Variants in CRB1 observed in about 807,000 individuals in gnomAD.
The protein encoded by CRB1 is protein crumbs homolog 1.
CRB1 carries 83 observed loss-of-function variants against 120.0 expected under a neutral mutation model. The observed-to-expected ratio is 0.69, with a 90% CI of 0.58 to 0.83. The LOEUF is 0.83. Among genes scored for constraint, CRB1 ranks in the 40% least tolerant of loss-of-function variants. CRB1 has a pLI of 0.00. For synonymous variants in CRB1, 625 were observed against 612.5 expected (o/e 1.02, Z -0.30); for missense variants, 1,699 against 1,687.6 (o/e 1.01, Z -0.12).
At chr1:197,226,605 A>G in the CRB1 span, among the ~76,000 whole-genome samples, 3 of 152,056 alleles carry the variant, frequency 2.0e-5, no homozygotes, top group African/African-American at 7.2e-5. Flanking sequence ...AGATGAGGTC[A>G]TGAGGGTAGA....
At chr1:197,426,687 A>G (rs1387035227) in intron 6 of CRB1, among the ~76,000 whole-genome samples, 1 of 152,130 alleles carries the variant, frequency 6.6e-6, no homozygotes, top group African/African-American at 2.4e-5. Context: ...CTTTGCCCCA[A>G]GTTCTCTGTT....
chr1:197,305,062 A>T (rs534364526), intron 1 of CRB1, among the ~76,000 whole-genome samples: 2 of 152,150 alleles, frequency 1.3e-5, no homozygotes, highest in Non-Finnish European at 2.9e-5. Context: ...CTTATTCTCA[A>T]TACTAAATTT....
At position 197,328,460 on chromosome 1, in the gene CRB1, A is replaced by T. The variant is rs1380193935; in HGVS notation, c.109A>T (p.Asn37Tyr). 39 of 1,614,082 alleles carry T rather than the reference A, an allele frequency of 2.4e-5. No homozygotes were observed. The highest frequency in any genetic ancestry group is 3.2e-5 in the Non-Finnish European group (38 of 1,180,034). The change falls in exon 2 of 12, where the codon AAT (asparagine) becomes TAT (tyrosine). Residue 37 changes from asparagine (N) to tyrosine (Y), a missense_variant. Physicochemically the swap from Asn to Tyr is moderately radical, Grantham distance 143 (BLOSUM62 -2). Coordinates refer to ENST00000367400, the MANE Select transcript of CRB1 (RefSeq NM_201253.3). Reference sequence around the variant, plus strand: ...TAAAAACAACACCAGGTGCCTCTCAAATTCTTGCCAAAACAATTCTACATG... The same window carrying T: ...TAAAAACAACACCAGGTGCCTCTCATATTCTTGCCAAAACAATTCTACATG... ...CNKNNTRCLS[N>Y]SCQNNSTCKD... is the part of the protein sequence containing the mutation.
rs201446408 is a variant in CRB1 at position 197,458,359 on chromosome 1, C to CT, written c.4005+16076dup. On this transcript the variant is annotated intron_variant, in intron 11 of 11. Transcript: ENST00000367400. ...TGCCATTAAGAACACTAAAGCTTAT[C>CT]TTTTTTTTTACAAATCTAGTTGTCA... 3.9e-3 allele frequency among the ~76,000 whole-genome samples: 586 copies of CT among 151,466 alleles called. 8 individuals carry two copies. The highest frequency in any genetic ancestry group is 0.026 in the Admixed American group (387 of 15,172).
intron 1 of CRB1, among the ~76,000 whole-genome samples, chr1:197,308,086 C>T (rs1051266846): frequency 6.6e-6 from 1 of 151,646 alleles, no homozygotes; most frequent in African/African-American, 2.4e-5. Context: ...TATATATATA[C>T]CATGGAATAC....
the CRB1 span, among the ~76,000 whole-genome samples, chr1:197,203,331 T>C: frequency 6.6e-6 from 1 of 152,028 alleles, no homozygotes; most frequent in African/African-American, 2.4e-5. Context: ...ACTTTTTTTT[T>C]CTTTTTTTGA....
rs146146378 is a variant in CRB1, at chr1:197,333,140, T to C, written c.652+4137T>C. Among the ~76,000 whole-genome samples, 40 of 152,224 alleles carry C rather than the reference T, an allele frequency of 2.6e-4. 1 individual carries two copies. Among genetic ancestry groups the C allele is most frequent in the Middle Eastern group, 6.8e-3 (2 of 294 alleles). On this transcript the variant is annotated intron_variant, in intron 2 of 11. Transcript: ENST00000367400. The stretch of plus-strand genomic sequence containing the variant: ...TGAGCAGCAAAGTAAGAAAAGGTAA[T>C]AAATTTTAAAAGGCAGAGAGGTAGA...
chr1:197,330,558 C>T (rs970285544), intron 2 of CRB1, among the ~76,000 whole-genome samples: 3 of 152,112 alleles, frequency 2.0e-5, no homozygotes, highest in Non-Finnish European at 4.4e-5. Flanking sequence ...TCATTTCTTT[C>T]CCCCTGGAAT....
In CRB1 at chr1:197,421,324, G is replaced by T. The variant is rs1283508348; in HGVS notation, c.1496G>T (p.Gly499Val). 4.3e-6 allele frequency: 7 copies of T among 1,614,184 alleles called. No homozygotes were observed. The highest frequency in any genetic ancestry group is 5.1e-6 in the Non-Finnish European group (6 of 1,180,038). Reference sequence around the variant, plus strand: ...GATGGCTTCCTGTGGGTCAAAAGTGGCTCAGTGACAACCAAGGGCTCAGTT... The same window carrying T: ...GATGGCTTCCTGTGGGTCAAAAGTGTCTCAGTGACAACCAAGGGCTCAGTT... ...EGDGFLWVKS[G>V]SVTTKGSVCN... Residue 499 changes from glycine to valine, a missense_variant, in exon 6 of 12, where the codon GGC becomes GTC. Physicochemically the swap from Gly to Val is moderately radical, Grantham distance 109. Transcript: ENST00000367400.
chr1:197,287,105 ATGAG>A (rs1655873380), intron 1 of CRB1, among the ~76,000 whole-genome samples: 1 of 151,886 alleles, frequency 6.6e-6, no homozygotes, highest in African/African-American at 2.4e-5. Flanking sequence ...GAGAGGTAAA[ATGAG>A]TACGTGGAAT....
At chr1:197,244,444 G>C in the CRB1 span, among the ~76,000 whole-genome samples, 1 of 151,622 alleles carries the variant, frequency 6.6e-6, no homozygotes, top group South Asian at 2.1e-4. Flanking sequence ...TATAAGATTT[G>C]GTGTTGACAA....
chr1:197,377,645 T>C (rs1661719257), intron 5 of CRB1, among the ~76,000 whole-genome samples: 1 of 152,226 alleles, frequency 6.6e-6, no homozygotes, highest in Non-Finnish European at 1.5e-5. Context: ...TTATTTCAGA[T>C]TGATCTTCCA....
intron 1 of CRB1, among the ~76,000 whole-genome samples, chr1:197,269,323 A>T (rs538894712): frequency 1.3e-5 from 2 of 152,354 alleles, no homozygotes; most frequent in South Asian, 4.1e-4. Context: ...AGTGTTGGAT[A>T]ATCTGGGTCA....
the CRB1 span, among the ~76,000 whole-genome samples, chr1:197,217,463 T>A: frequency 6.6e-6 from 1 of 152,144 alleles, no homozygotes; most frequent in Non-Finnish European, 1.5e-5. Flanking sequence ...ATTTGGTATA[T>A]CCATGCAAAT....
chr1:197,310,190 C>A (rs766964326), intron 1 of CRB1, among the ~76,000 whole-genome samples: 23 of 152,194 alleles, frequency 1.5e-4, no homozygotes, highest in African/African-American at 5.3e-4. Context: ...ATTAAATTTT[C>A]GAGGTCAAAG....
the CRB1 span, among the ~76,000 whole-genome samples, chr1:197,238,795 G>A: frequency 6.6e-6 from 1 of 151,850 alleles, no homozygotes; most frequent in Non-Finnish European, 1.5e-5. Flanking sequence ...AGTGAGCTGA[G>A]ATCATACCAC....
At chr1:197,231,207 C>G in the CRB1 span, among the ~76,000 whole-genome samples, 5 of 152,154 alleles carry the variant, frequency 3.3e-5, no homozygotes, top group Non-Finnish European at 7.3e-5. Context: ...AATTAGACTA[C>G]AATTCCTGCT....
intron 5 of CRB1, among the ~76,000 whole-genome samples, chr1:197,417,977 T>G (rs1051020536): frequency 2.0e-5 from 3 of 146,464 alleles, no homozygotes; most frequent in Non-Finnish European, 4.5e-5. Flanking sequence ...TATTGCTTTG[T>G]TTTTTTTTTT....
At chr1:197,412,811 T>C (rs2821122) in intron 5 of CRB1, among the ~76,000 whole-genome samples, 50,448 of 152,180 alleles carry the variant, frequency 0.33, 8,783 homozygotes, top group African/African-American at 0.43. Flanking sequence ...AAGTTTTAAA[T>C]ATGAATGAAT....
Sources: allele counts gnomAD v4.1 joint callset (sites outside exome capture counted in the v4.1 genomes callset), GRCh38; gene constraint gnomAD v4.1.1; transcripts MANE v1.5; gene names NCBI Gene and HGNC (gene_info 2026-07-23, HGNC 2026-07-21).